Variants in MAEL observed in about 807,000 individuals in gnomAD.
The protein encoded by MAEL is maelstrom spermatogenic transposon silencer, also known as protein maelstrom homolog.
Under a neutral mutation model 62.0 loss-of-function variants are expected in MAEL, and 46 were observed. The ratio of observed to expected loss-of-function variants is 0.74; its 90% confidence interval spans 0.59 to 0.95. The LOEUF (loss-of-function observed/expected upper bound fraction) is 0.95, where lower values mean the gene tolerates loss of function less well. MAEL is among the 40% of genes least tolerant of loss of function. The pLI is 0.00. For missense variants in MAEL, 497 were observed against 526.8 expected (o/e 0.94, Z 0.55); for synonymous variants, 172 against 175.5 (o/e 0.98, Z 0.16).
chr1:166,984,837 G>A (rs1032071209), upstream of MAEL, among the ~76,000 whole-genome samples: 2 of 151,954 alleles, frequency 1.3e-5, no homozygotes, highest in Non-Finnish European at 2.9e-5. Flanking sequence ...GCTCTATTCC[G>A]TCCATCCTTT....
intron 5 of MAEL, among the ~76,000 whole-genome samples, chr1:166,996,607 T>C (rs1664437894): frequency 2.0e-5 from 3 of 152,206 alleles, no homozygotes; most frequent in Admixed American, 2.0e-4. Context: ...CCAGTGCCAT[T>C]GAAAGTCCCT....
intron 1 of MAEL, among the ~76,000 whole-genome samples, chr1:166,978,370 G>T (rs1663657060): frequency 6.6e-6 from 1 of 152,140 alleles, no homozygotes; most frequent in African/African-American, 2.4e-5. Flanking sequence ...AGGTGATGAA[G>T]GGTTAATATA....
intron 1 of MAEL, among the ~76,000 whole-genome samples, chr1:166,978,000 C>A (rs1288516629): frequency 6.6e-6 from 1 of 152,054 alleles, no homozygotes; most frequent in Non-Finnish European, 1.5e-5. Context: ...CAAGTTTATA[C>A]ATGTGAAAAA....
intron 10 of MAEL, among the ~76,000 whole-genome samples, chr1:167,020,808 A>G (rs945350175): frequency 2.6e-5 from 4 of 151,980 alleles, no homozygotes; most frequent in Admixed American, 2.0e-4. Context: ...CTCCTGTATC[A>G]TCAGGGATTC....
upstream of MAEL, among the ~76,000 whole-genome samples, chr1:166,985,530 G>A (rs1374345782): frequency 6.6e-6 from 1 of 152,078 alleles, no homozygotes; most frequent in African/African-American, 2.4e-5. Context: ...CAAATTTTAT[G>A]GAATATCAAG....
intron 3 of MAEL, among the ~76,000 whole-genome samples, chr1:166,991,958 T>C (rs1175415459): frequency 1.3e-5 from 2 of 152,172 alleles, no homozygotes; most frequent in Non-Finnish European, 2.9e-5. Flanking sequence ...CAAAACTACA[T>C]TGTACCTCAT....
At chr1:167,006,026 C>G (rs2102100913) in intron 8 of MAEL, 1 of 152,240 alleles carries the variant, frequency 6.6e-6, no homozygotes, top group South Asian at 2.1e-4. Flanking sequence ...AGGGATTGGC[C>G]TGGTTAGTAC....
At chr1:166,982,668 A>G (rs1439967449) in intron 1 of MAEL, among the ~76,000 whole-genome samples, 1 of 152,146 alleles carries the variant, frequency 6.6e-6, no homozygotes, top group Non-Finnish European at 1.5e-5. Context: ...AATTAAAAAA[A>G]AAAGTAATAG....
At chr1:166,989,066 T>TC, upstream of MAEL, 1 of 417,740 alleles carries the variant, frequency 2.4e-6, no homozygotes, top group South Asian at 3.1e-5. Flanking sequence ...GCTCCAGGCC[T>TC]CCCACGTGAC....
intron 8 of MAEL, among the ~76,000 whole-genome samples, chr1:167,013,071 T>C (rs1665236215): frequency 6.6e-6 from 1 of 152,056 alleles, no homozygotes; most frequent in Non-Finnish European, 1.5e-5. Context: ...GTGTATACTA[T>C]TGGATAGATG....
intron 9 of MAEL, 35 bp from the exon 10 acceptor site, chr1:167,017,792 A>C (rs563734145): frequency 6.4e-7 from 1 of 1,566,574 alleles, no homozygotes; most frequent in South Asian, 1.2e-5. Flanking sequence ...GAATTAAATT[A>C]GATTCTGATA....
intron 8 of MAEL, among the ~76,000 whole-genome samples, chr1:167,007,268 T>C (rs1379276774): frequency 6.6e-6 from 1 of 152,168 alleles, no homozygotes; most frequent in African/African-American, 2.4e-5. Flanking sequence ...GTTCCATATA[T>C]GGCCAGTGGG....
intron 11 of MAEL, 107 bp downstream of exon 11, chr1:167,021,267 A>G: frequency 1.3e-6 from 1 of 785,110 alleles, no homozygotes. Flanking sequence ...GCTTTAGGAT[A>G]TAAGAAGCTT....
intron 8 of MAEL, among the ~76,000 whole-genome samples, chr1:167,010,537 C>T (rs900401480): frequency 2.0e-5 from 3 of 152,072 alleles, no homozygotes; most frequent in Non-Finnish European, 2.9e-5. Context: ...CCTGGAACTC[C>T]TAGAGTCAAG....
rs551415554 is a variant in MAEL at position 167,003,304 on chromosome 1, G to A, written c.524-876G>A. Among the ~76,000 whole-genome samples the A allele has an allele frequency of 2.6e-5, 4 of 152,216 alleles. No homozygotes were observed. In the South Asian group the frequency reaches 6.2e-4, roughly 24 times the overall value. On this transcript the variant is annotated intron_variant, in intron 5 of 11. Transcript: ENST00000367872. ...TTATGCTAAAATTGGTAATTTGATC[G>A]CCTCAGACATAATTATGTAAAATCT...
At chr1:166,976,341 G>C (rs1348322387) in intron 1 of MAEL, among the ~76,000 whole-genome samples, 1 of 152,186 alleles carries the variant, frequency 6.6e-6, no homozygotes, top group Non-Finnish European at 1.5e-5. Context: ...GCCTCTACTA[G>C]GTGCTAAGAA....
intron 8 of MAEL, among the ~76,000 whole-genome samples, chr1:167,015,807 G>A (rs990785543): frequency 3.3e-5 from 5 of 152,052 alleles, no homozygotes; most frequent in Non-Finnish European, 7.4e-5. Flanking sequence ...TGTGTATTAT[G>A]CTTGCATATC....
rs977716575 is a variant in MAEL at position 166,982,635 on chromosome 1, G to A, written c.-120-6766G>A. On this transcript the variant is annotated intron_variant, in intron 1 of 12. Transcript: ENST00000622874. ...CAGTGGTTTGCATAACACGTACCTG[G>A]TTGAAAATCACACCTTATACTTAAT... Among the ~76,000 whole-genome samples the A allele has an allele frequency of 3.3e-5, 5 of 151,934 alleles. 1 individual carries two copies. Among genetic ancestry groups the A allele is most frequent in the Admixed American group, 2.6e-4 (4 of 15,254 alleles).
intron 8 of MAEL, among the ~76,000 whole-genome samples, chr1:167,008,149 GT>G (rs1434344083): frequency 6.6e-6 from 1 of 151,956 alleles, no homozygotes; most frequent in East Asian, 1.9e-4. Flanking sequence ...TTGTTGAGTT[GT>G]TTCCAAAGAC....
Sources: gnomAD v4.1 joint callset for allele counts (sites outside exome capture counted in the v4.1 genomes callset) on GRCh38, gnomAD v4.1.1 for gene constraint, MANE v1.5 for transcripts, NCBI Gene and HGNC (gene_info 2026-07-23, HGNC 2026-07-21) for gene names.